Variants in AGAP1 observed in about 807,000 individuals in gnomAD.
The protein encoded by AGAP1 is arf-GAP with GTPase, ANK repeat and PH domain-containing protein 1.
In AGAP1, 29 loss-of-function variants were observed where a neutral mutation model predicts 105.3. The observed-to-expected ratio is 0.28, with a 90% CI of 0.21 to 0.38. The LOEUF (loss-of-function observed/expected upper bound fraction) is 0.38, where lower values mean the gene tolerates loss of function less well. Among genes scored for constraint, AGAP1 ranks in the 10% least tolerant of loss-of-function variants. AGAP1 has a pLI of 1.00. For synonymous variants in AGAP1, 509 were observed against 485.9 expected (o/e 1.05, Z -0.63); for missense variants, 998 against 1,165.1 (o/e 0.86, Z 2.09).
intron 13 of AGAP1, among the ~76,000 whole-genome samples, chr2:235,999,302 ATGGTGATGGTGGTGGTGGTGG>A (rs1286416397): frequency 1.0e-4 from 4 of 39,438 alleles, no homozygotes; most frequent in African/African-American, 3.1e-4. Flanking sequence ...GGTGGTGGTG[ATGGTGATGGTGGTGGTGGTGG>A]TGGTGGTGAT....
intron 1 of AGAP1, among the ~76,000 whole-genome samples, chr2:235,510,633 A>G (rs1005701365): frequency 5.9e-5 from 9 of 152,052 alleles, no homozygotes; most frequent in Non-Finnish European, 1.2e-4. Context: ...CTGTTTTCCA[A>G]ATTGGTTGAT....
At chr2:235,996,913 C>G (rs896503465) in intron 13 of AGAP1, among the ~76,000 whole-genome samples, 1 of 152,114 alleles carries the variant, frequency 6.6e-6, no homozygotes, top group East Asian at 1.9e-4. Flanking sequence ...TCTAATTTAT[C>G]AGAAAAAATA....
intron 16 of AGAP1, among the ~76,000 whole-genome samples, chr2:236,099,561 A>G (rs989406450): frequency 6.6e-6 from 1 of 152,216 alleles, no homozygotes; most frequent in Non-Finnish European, 1.5e-5. Context: ...AGGACATTTT[A>G]TCATAGGGAG....
chr2:236,014,704 G>C lies in AGAP1; in HGVS notation c.1646-21857G>C. 1 of 363,106 alleles carries C rather than the reference G, an allele frequency of 2.8e-6. No individual in the cohort carries two copies. Among genetic ancestry groups the C allele is most frequent in the Admixed American group, 3.8e-5 (1 of 26,324 alleles). The allele number at this position is 363,106 out of a possible 1,614,324, so 22.5% of individuals were successfully genotyped here. A position where few individuals can be genotyped will look rare whatever the true frequency, so the allele number is the denominator to read the frequency against. The stretch of plus-strand genomic sequence containing the variant: ...GCAGACAGCTCGGAGGCAACGTCAC[G>C]TGCTACTTTGACCTTTTTTTTTCTC... On this transcript the variant is annotated intron_variant, in intron 13 of 17. Coordinates refer to ENST00000304032, the MANE Select transcript of AGAP1 (RefSeq NM_001037131.3). This position sits in a 1 kb window ranked among gnomAD's most constrained non-coding sequence, Gnocchi z 6.3.
chr2:235,619,947 G>A (rs924275742), intron 1 of AGAP1, among the ~76,000 whole-genome samples: 1 of 152,088 alleles, frequency 6.6e-6, no homozygotes, highest in African/African-American at 2.4e-5. Context: ...CTGGCGCCCC[G>A]ATCCCGGGCC....
rs550091528 is a variant in AGAP1, at chr2:235,703,550, C to A, written c.164-5629C>A. ...AGGAAAGAATTGCTCCCCTCTTCTC[C>A]CCTCCCCCTCCTTCCCCTCCCCCGC... On this transcript the variant is annotated intron_variant, in intron 1 of 17. Transcript: ENST00000304032. Among the ~76,000 whole-genome samples the A allele has an allele frequency of 2.4e-3, 349 of 142,468 alleles. 1 individual carries two copies. The highest frequency in any genetic ancestry group is 8.3e-3 in the African/African-American group (320 of 38,706). 93.5% of individuals were successfully genotyped at this position (142,468 alleles called of 152,430 possible).
Position 236,098,620 on chromosome 2 carries a change from C to CTTTTTTTTTTTTTTTTTTT in AGAP1, c.2115-21571_2115-21553dup, listed in dbSNP as rs34419216. On this transcript the variant is annotated intron_variant, in intron 16 of 17. Coordinates refer to ENST00000304032, the MANE Select transcript of AGAP1 (RefSeq NM_001037131.3). Reference sequence around the variant, plus strand: ...GCTGACTTGATGAAATCTTTTTTTCCTTTTTTTTTTTTTTTTTTTAGAGAA... The same window carrying CTTTTTTTTTTTTTTTTTTT: ...GCTGACTTGATGAAATCTTTTTTTCCTTTTTTTTTTTTTTTTTTTTTTTTTTTTTTTTTTTTTTAGAGAA... Among the ~76,000 whole-genome samples, 283 of 115,200 alleles carry CTTTTTTTTTTTTTTTTTTT rather than the reference C, an allele frequency of 2.5e-3. 14 individuals carry two copies. Among genetic ancestry groups the CTTTTTTTTTTTTTTTTTTT allele is most frequent in the African/African-American group, 9.9e-3 (254 of 25,766 alleles). The allele number at this position is 115,200 out of a possible 152,430, so 75.6% of individuals were successfully genotyped here.
intron 1 of AGAP1, among the ~76,000 whole-genome samples, chr2:235,505,294 G>C (rs570675796): frequency 1.3e-4 from 20 of 152,342 alleles, no homozygotes; most frequent in South Asian, 8.3e-4. Context: ...CCAGCGCTGT[G>C]TCCTGGGAGC....
At chr2:235,795,887 A>G (rs1332624842) in intron 6 of AGAP1, among the ~76,000 whole-genome samples, 1 of 152,226 alleles carries the variant, frequency 6.6e-6, no homozygotes, top group Non-Finnish European at 1.5e-5. Flanking sequence ...CCTAGACTCC[A>G]TAGAAAGGAT....
rs1559350411 is a variant in AGAP1 at position 235,686,620 on chromosome 2, GA to G, written c.164-22558del. 4.2e-3 allele frequency among the ~76,000 whole-genome samples: 240 copies of G among 57,242 alleles called. 4 individuals are homozygous for G. Among genetic ancestry groups the G allele is most frequent in the African/African-American group, 0.017 (200 of 11,500 alleles). 37.6% of individuals were successfully genotyped at this position (57,242 alleles called of 152,430 possible). A position where few individuals can be genotyped will look rare whatever the true frequency, so the allele number is the denominator to read the frequency against. ...GTGTATATATATACGTGGAGATATA[GA>G]TATATATATATATATATATATATAG... is the stretch of plus-strand genomic sequence containing the variant. On this transcript the variant is annotated intron_variant, in intron 1 of 17. Coordinates refer to ENST00000304032, the MANE Select transcript of AGAP1 (RefSeq NM_001037131.3).
At chr2:235,798,228 T>C (rs988378914) in intron 7 of AGAP1, among the ~76,000 whole-genome samples, 4 of 152,182 alleles carry the variant, frequency 2.6e-5, no homozygotes, top group African/African-American at 9.7e-5. Context: ...GAGTAAATCT[T>C]AATGGCCAAT....
chr2:235,648,787 T>A (rs1040633680), intron 1 of AGAP1, among the ~76,000 whole-genome samples: 4 of 151,022 alleles, frequency 2.6e-5, no homozygotes, highest in Admixed American at 2.6e-4. Flanking sequence ...CTCGGGAGGC[T>A]GAGGCAGTAG....
chr2:235,705,418 TCCTTCCAGTGTTCCTGCA>T lies in AGAP1; in HGVS notation c.164-3756_164-3739del, dbSNP rs1417606778. 2.0e-5 allele frequency among the ~76,000 whole-genome samples: 3 copies of T among 152,174 alleles called. No homozygotes were observed. The highest frequency in any genetic ancestry group is 2.9e-5 in the Non-Finnish European group (2 of 68,042). On this transcript the variant is annotated intron_variant, in intron 1 of 17. Transcript: ENST00000304032. The surrounding 1 kb of genome is among the most constrained non-coding windows in gnomAD (Gnocchi z 4.9). ...GCTGTGTTTCCCTGAAGCATATTTA[TCCTTCCAGTGTTCCTGCA>T]CCTTGGAAGGAAGCAGGACAGCTGG...
At chr2:235,738,093 T>C (rs906899178) in intron 3 of AGAP1, among the ~76,000 whole-genome samples, 7 of 151,746 alleles carry the variant, frequency 4.6e-5, no homozygotes, top group East Asian at 1.9e-4. Context: ...GGCTGTGATA[T>C]ATGTTAGGGG....
Position 236,044,809 on chromosome 2 carries a change from T to TAGGAA in AGAP1, c.1891+3968_1891+3969insAGGAA, listed in dbSNP as rs2057668101. Among the ~76,000 whole-genome samples, 1 of 151,804 alleles carries TAGGAA rather than the reference T, an allele frequency of 6.6e-6. No individual in the cohort carries two copies. The highest frequency in any genetic ancestry group is 1.5e-5 in the Non-Finnish European group (1 of 67,928). ...CACACATCCCTACTCCCTGCTGTTCTGCCCTGGGGGCTTCCTGGCTCTGGT... is the reference window on the plus strand; with the variant it reads ...CACACATCCCTACTCCCTGCTGTTCTAGGAAGCCCTGGGGGCTTCCTGGCTCTGGT... On this transcript the variant is annotated intron_variant, in intron 15 of 17. Coordinates refer to ENST00000304032, the MANE Select transcript of AGAP1 (RefSeq NM_001037131.3). This position sits in a 1 kb window ranked among gnomAD's most constrained non-coding sequence, Gnocchi z 5.7.
chr2:235,600,577 G>T lies in AGAP1; in HGVS notation c.163+105728G>T, dbSNP rs946745846. 6.6e-6 allele frequency among the ~76,000 whole-genome samples: 1 copy of T among 152,210 alleles called. No individual in the cohort carries two copies. The highest frequency in any genetic ancestry group is 2.4e-5 in the African/African-American group (1 of 41,446). ...CACAAGGTCCCACAATAGGCTGGCT[G>T]CAAGCTGAGGAGCAAGGAAGCCAGT... On this transcript the variant is annotated intron_variant, in intron 1 of 17. Coordinates refer to ENST00000304032, the MANE Select transcript of AGAP1 (RefSeq NM_001037131.3). The surrounding 1 kb of genome is among the most constrained non-coding windows in gnomAD (Gnocchi z 4.8).
chr2:235,574,860 C>T lies in AGAP1; in HGVS notation c.163+80011C>T, dbSNP rs960153538. On this transcript the variant is annotated intron_variant, in intron 1 of 17. Coordinates refer to ENST00000304032, the MANE Select transcript of AGAP1 (RefSeq NM_001037131.3). The surrounding 1 kb of genome is among the most constrained non-coding windows in gnomAD (Gnocchi z 5.0). ...TGTTGAGGCTGGGCGCAGTGGAGCA[C>T]GCGTGTAATTCTAGCACTTAGGGAG... is the stretch of plus-strand genomic sequence containing the variant. Among the ~76,000 whole-genome samples the T allele has an allele frequency of 1.3e-5, 2 of 152,296 alleles. No individual in the cohort carries two copies. The highest frequency in any genetic ancestry group is 1.9e-4 in the East Asian group (1 of 5,188).
intron 9 of AGAP1, among the ~76,000 whole-genome samples, chr2:235,812,359 T>A (rs529587446): frequency 6.6e-6 from 1 of 152,154 alleles, no homozygotes. Flanking sequence ...GTGAACTGTT[T>A]TGAAGCTGTG....
chr2:235,925,716 A>C (rs924413876), intron 11 of AGAP1, among the ~76,000 whole-genome samples: 1 of 152,302 alleles, frequency 6.6e-6, no homozygotes, highest in Non-Finnish European at 1.5e-5. Context: ...ACGTGGGTTT[A>C]GGTCCCCTGC....
Sources: gnomAD v4.1 joint callset for allele counts (sites outside exome capture counted in the v4.1 genomes callset) on GRCh38, gnomAD v4.1.1 for gene constraint, Gnocchi (gnomAD v3.1) non-coding constraint, MANE v1.5 for transcripts, NCBI Gene and HGNC (gene_info 2026-07-23, HGNC 2026-07-21) for gene names.